Variants in SPATA1 observed in about 807,000 individuals in gnomAD.
SPATA1 encodes spermatogenesis associated 1.
A neutral mutation model predicts 59.6 loss-of-function variants in SPATA1; 57 were observed. That is an observed-to-expected ratio of 0.96 (90% CI 0.77 to 1.19). The LOEUF is 1.19. SPATA1 is among the 50% of genes most tolerant of loss of function. The pLI is 0.00. For missense variants in SPATA1, 448 were observed against 480.7 expected (o/e 0.93, Z 0.64); for synonymous variants, 147 against 163.9 (o/e 0.90, Z 0.79).
chr1:84,554,160 T>C (rs2102013123), exon 13 of SPATA1: 1 of 151,992 alleles, frequency 6.6e-6, no homozygotes, highest in East Asian at 1.9e-4. Context: ...GAAAGAAAAA[T>C]TTAACCATGT....
rs1211504742 is a variant in SPATA1, at chr1:84,548,871, T to C, written c.1032T>C (p.Asp344=). The C allele has an allele frequency of 1.9e-6, 3 of 1,601,454 alleles. No individual in the cohort carries two copies. The South Asian group carries it at 3.3e-5, about 18-fold the overall frequency. Residue 344 remains aspartate, a synonymous_variant, in exon 11 of 13, where the codon GAT becomes GAC. Coordinates refer to ENST00000490879, the Ensembl canonical transcript of SPATA1. Reference sequence around the variant, plus strand: ...AGGTTTTAACAAAACTTCGAGAAGATTTGGAACTCTACTATAAAAAACTGC... The same window carrying C: ...AGGTTTTAACAAAACTTCGAGAAGACTTGGAACTCTACTATAAAAAACTGC...
intron 8 of SPATA1, among the ~76,000 whole-genome samples, chr1:84,538,005 C>A (rs1019610937): frequency 6.6e-6 from 1 of 152,160 alleles, no homozygotes; most frequent in Non-Finnish European, 1.5e-5. Flanking sequence ...GATGGAATGG[C>A]CTATTCATTA....
Position 84,526,153 on chromosome 1 carries a change from G to A in SPATA1, c.544+80G>A, listed in dbSNP as rs1456586051. On this transcript the variant is annotated intron_variant, in intron 6 of 12. Transcript: ENST00000490879. Reference sequence around the variant, plus strand: ...AGTCAAGTCTGTAAGCAAACCCTGAGCAAACCTAGCCTTACAAATATAGGC... The same window carrying A: ...AGTCAAGTCTGTAAGCAAACCCTGAACAAACCTAGCCTTACAAATATAGGC... The A allele has an allele frequency of 6.8e-6, 8 of 1,170,316 alleles. No individual in the cohort carries two copies. The Admixed American group carries it at 1.1e-4, about 16-fold the overall frequency. 72.5% of individuals were successfully genotyped at this position (1,170,316 alleles called of 1,614,324 possible).
At chr1:84,557,653 A>G (rs934399018), downstream of SPATA1, among the ~76,000 whole-genome samples, 5 of 151,650 alleles carry the variant, frequency 3.3e-5, no homozygotes, top group African/African-American at 9.7e-5. Flanking sequence ...CAGGAGATCG[A>G]GACCATCCTG....
At chr1:84,516,881 A>G (rs147629069) in intron 2 of SPATA1, among the ~76,000 whole-genome samples, 45 of 152,292 alleles carry the variant, frequency 3.0e-4, no homozygotes, top group African/African-American at 9.6e-4. Context: ...ATTCATGACC[A>G]TGAATTTCAA....
chr1:84,561,260 G>T (rs1227022873), intron 4 of SPATA1, among the ~76,000 whole-genome samples: 1 of 152,208 alleles, frequency 6.6e-6, no homozygotes, highest in African/African-American at 2.4e-5. Flanking sequence ...ACATTGAGGG[G>T]TTCAAGACTT....
intron 10 of SPATA1, among the ~76,000 whole-genome samples, chr1:84,546,587 T>C (rs1570449906): frequency 6.6e-6 from 1 of 151,344 alleles, no homozygotes; most frequent in African/African-American, 2.4e-5. Flanking sequence ...CCAGGAAAAG[T>C]GTTGGATATG....
intron 6 of SPATA1, among the ~76,000 whole-genome samples, chr1:84,528,606 T>G (rs1228780094): frequency 6.6e-6 from 1 of 152,246 alleles, no homozygotes; most frequent in African/African-American, 2.4e-5. Flanking sequence ...ACAATTTATT[T>G]GTCTATTCTA....
intron 2 of SPATA1, among the ~76,000 whole-genome samples, chr1:84,516,882 T>C (rs533602951): frequency 6.6e-6 from 1 of 152,268 alleles, no homozygotes; most frequent in Admixed American, 6.5e-5. Context: ...TTCATGACCA[T>C]GAATTTCAAG....
At chr1:84,516,696 C>A (rs1682808935) in intron 2 of SPATA1, among the ~76,000 whole-genome samples, 1 of 152,160 alleles carries the variant, frequency 6.6e-6, no homozygotes, top group Non-Finnish European at 1.5e-5. Flanking sequence ...CAGTCATGAT[C>A]ACTCCTTTGC....
chr1:84,511,848 ATT>A (rs1432551903), intron 1 of SPATA1, among the ~76,000 whole-genome samples: 3 of 151,556 alleles, frequency 2.0e-5, no homozygotes, highest in Non-Finnish European at 4.4e-5. Flanking sequence ...TGCCCGGCCA[ATT>A]TTGTATTTTT....
chr1:84,529,702 C>A (rs1177556916), intron 6 of SPATA1, among the ~76,000 whole-genome samples: 1 of 150,094 alleles, frequency 6.7e-6, no homozygotes, highest in South Asian at 2.1e-4. Context: ...CTCAGCCTTC[C>A]GATAGCTGGA....
chr1:84,540,322 G>T (rs1424931432), intron 8 of SPATA1, among the ~76,000 whole-genome samples: 3 of 152,038 alleles, frequency 2.0e-5, no homozygotes, highest in East Asian at 1.9e-4. Flanking sequence ...TATTTAGAAA[G>T]ATTTTTATTT....
chr1:84,513,169 G>C (rs112497913), intron 1 of SPATA1, among the ~76,000 whole-genome samples: 5,594 of 152,282 alleles, frequency 0.037, 360 homozygotes, highest in African/African-American at 0.13. Flanking sequence ...GCCCAGGCTA[G>C]AGTGCAATGG....
chr1:84,548,918 A>C (rs1365472982), exon 11 of SPATA1: 1 of 1,606,606 alleles, frequency 6.2e-7, no homozygotes, highest in Non-Finnish European at 8.5e-7. Flanking sequence ...GAAGCCAGGG[A>C]GATCAAGATG....
At chr1:84,545,235 T>G (rs148762509) in intron 9 of SPATA1, among the ~76,000 whole-genome samples, 2 of 148,260 alleles carry the variant, frequency 1.3e-5, no homozygotes, top group African/African-American at 4.9e-5. Flanking sequence ...ATATATATAT[T>G]TATATATCAT....
At chr1:84,556,536 C>T (rs1684435028), downstream of SPATA1, among the ~76,000 whole-genome samples, 1 of 126,590 alleles carries the variant, frequency 7.9e-6, no homozygotes, top group African/African-American at 4.0e-5. Flanking sequence ...CATGGTGAAA[C>T]CCCATCTTTA....
chr1:84,564,817 G>A (rs1271284889), intron 4 of SPATA1, among the ~76,000 whole-genome samples: 4 of 152,120 alleles, frequency 2.6e-5, no homozygotes, highest in Non-Finnish European at 5.9e-5. Context: ...AGGCTGAGGT[G>A]GGAGGATCAC....
downstream of SPATA1, among the ~76,000 whole-genome samples, chr1:84,557,554 GA>G (rs1179521999): frequency 2.3e-3 from 158 of 70,142 alleles, no homozygotes; most frequent in Admixed American, 0.014. Context: ...AAAAAAAAAA[GA>G]AAAAAAAAAA....
Sources: allele counts gnomAD v4.1 joint callset (sites outside exome capture counted in the v4.1 genomes callset), GRCh38; gene constraint gnomAD v4.1.1; transcripts MANE v1.5; gene names NCBI Gene and HGNC (gene_info 2026-07-23, HGNC 2026-07-21).